MED12L: variants seen among roughly 807,000 people sequenced by gnomAD.
MED12L encodes the protein mediator of RNA polymerase II transcription subunit 12-like protein.
A neutral mutation model predicts 281.3 loss-of-function variants in MED12L; 60 were observed. The observed-to-expected ratio is 0.21, with a 90% CI of 0.17 to 0.26. The LOEUF (loss-of-function observed/expected upper bound fraction) is 0.26. MED12L is among the 10% of genes least tolerant of loss of function. The pLI is 1.00. For synonymous variants in MED12L, 974 were observed against 987.2 expected, an observed-to-expected ratio of 0.99 and a Z score of 0.25; for missense variants, 2,146 against 2,680.9, an observed-to-expected ratio of 0.80 and a Z score of 4.41.
chr3:151,357,210 C>A lies in MED12L; in HGVS notation c.2662-3C>A. 6.3e-7 allele frequency: 1 copy of A among 1,588,730 alleles called. No individual in the cohort carries two copies. The highest frequency in any genetic ancestry group is 8.6e-7 in the Non-Finnish European group (1 of 1,168,908). On this transcript the variant is annotated splice_polypyrimidine_tract_variant and splice_region_variant and intron_variant, in intron 19 of 44. Transcript: ENST00000687756. Reference sequence around the variant, plus strand: ...GTTTATTCAGTCTTTTCTCCTGTTACAGTTACTAAATGAACTGAGTGTTGT... The same window carrying A: ...GTTTATTCAGTCTTTTCTCCTGTTAAAGTTACTAAATGAACTGAGTGTTGT...
intron 16 of MED12L, among the ~76,000 whole-genome samples, chr3:151,341,472 A>G (rs1292809416): frequency 6.6e-6 from 1 of 152,050 alleles, no homozygotes; most frequent in Non-Finnish European, 1.5e-5. Flanking sequence ...GCATCCTTGT[A>G]TCACAATTAT....
chr3:151,423,159 A>G (rs538170127), intron 43 of MED12L, among the ~76,000 whole-genome samples: 42 of 151,614 alleles, frequency 2.8e-4, no homozygotes, highest in African/African-American at 9.9e-4. Flanking sequence ...AGCTGGGATT[A>G]CAGGTGCCTG....
intron 16 of MED12L, among the ~76,000 whole-genome samples, chr3:151,225,930 G>T (rs1730404122): frequency 6.6e-6 from 1 of 152,160 alleles, no homozygotes; most frequent in Non-Finnish European, 1.5e-5. Flanking sequence ...TGTTTATAAA[G>T]TACATTGTAA....
chr3:151,379,644 T>C (rs906379439), intron 31 of MED12L, among the ~76,000 whole-genome samples: 1 of 152,110 alleles, frequency 6.6e-6, no homozygotes, highest in African/African-American at 2.4e-5. Flanking sequence ...TCTTGGGAAA[T>C]GTGCTGAAAA....
chr3:151,131,571 C>T (rs1428928933), intron 5 of MED12L, among the ~76,000 whole-genome samples: 1 of 152,190 alleles, frequency 6.6e-6, no homozygotes, highest in Non-Finnish European at 1.5e-5. Flanking sequence ...TGAGCCACTG[C>T]ACTCCAGCCT....
At chr3:151,094,705 C>T (rs910887875) in intron 2 of MED12L, among the ~76,000 whole-genome samples, 1 of 152,194 alleles carries the variant, frequency 6.6e-6, no homozygotes, top group African/African-American at 2.4e-5. Context: ...GATTACCACT[C>T]ACATGCAACC....
rs776190048 is a variant in MED12L at position 151,383,816 on chromosome 3, A to G, written c.4718A>G (p.Gln1573Arg). The G allele has an allele frequency of 1.2e-6, 2 of 1,614,022 alleles. No homozygotes were observed. The highest frequency in any genetic ancestry group is 1.7e-6 in the Non-Finnish European group (2 of 1,179,920). Residue 1573 changes from glutamine (Q) to arginine (R), a missense_variant, in exon 34 of 45, where the codon CAG becomes CGG. Physicochemically the swap from Gln to Arg is conservative, Grantham distance 43. Transcript: ENST00000687756. Reference sequence around the variant, plus strand: ...TTTGACACGGTGCAGAGGAGCACCCAGTGGACTACAGACTGGGCCCTGCTA... The same window carrying G: ...TTTGACACGGTGCAGAGGAGCACCCGGTGGACTACAGACTGGGCCCTGCTA... ...GMFDTVQRST[Q>R]WTTDWALLLL...
Position 151,413,273 on chromosome 3 carries a change from G to A in MED12L, c.6275G>A (p.Arg2092Gln), listed in dbSNP as rs139235145. 435 of 1,614,066 alleles carry A rather than the reference G, an allele frequency of 2.7e-4. 6 individuals carry two copies. The South Asian group carries it at 4.4e-3, about 16-fold the overall frequency. Residue 2092 changes from arginine (R) to glutamine (Q), a missense_variant, in exon 42 of 45, where the codon CGA (arginine) becomes CAA (glutamine). Arg to Gln is a conservative substitution (Grantham distance 43). Coordinates refer to ENST00000687756, the MANE Select transcript of MED12L (RefSeq NM_001393769.1). ...DPMRPRQPQV[R>Q]QQQRLLQMQQ... ...ATGAGACCCAGACAGCCGCAAGTTCGACAGCAGCAGAGACTCCTCCAGGTA... is the reference window on the plus strand; with the variant it reads ...ATGAGACCCAGACAGCCGCAAGTTCAACAGCAGCAGAGACTCCTCCAGGTA...
At chr3:151,287,320 A>G (rs1277261707) in intron 16 of MED12L, among the ~76,000 whole-genome samples, 2 of 152,150 alleles carry the variant, frequency 1.3e-5, no homozygotes, top group African/African-American at 4.8e-5. Flanking sequence ...TTTCTTATCC[A>G]TGAGACCAGA....
intron 16 of MED12L, chr3:151,329,334 T>G (rs1750082882): frequency 3.3e-6 from 2 of 598,066 alleles, no homozygotes; most frequent in Non-Finnish European, 6.0e-6. Context: ...TTATTATTAC[T>G]AATACATCAG....
intron 16 of MED12L, chr3:151,269,836 G>T: frequency 4.5e-6 from 2 of 440,972 alleles, no homozygotes; most frequent in Non-Finnish European, 8.9e-6. Flanking sequence ...CCAGTCAAAC[G>T]CAGAGTAAAG....
chr3:151,382,940 C>G (rs1043299171), intron 33 of MED12L, among the ~76,000 whole-genome samples, 195 bp downstream of exon 33: 1 of 152,164 alleles, frequency 6.6e-6, no homozygotes, highest in Non-Finnish European at 1.5e-5. Flanking sequence ...GGTCAGACAT[C>G]TAGACAGTGC....
chr3:151,129,715 TTGTGTG>T (rs62785262), intron 5 of MED12L, among the ~76,000 whole-genome samples: 33,535 of 147,404 alleles, frequency 0.23, 3,968 homozygotes, highest in African/African-American at 0.33. Flanking sequence ...ATATCTACAT[TTGTGTG>T]TGTGTGTGTG....
At chr3:151,354,484 G>A (rs1268507624) in intron 17 of MED12L, among the ~76,000 whole-genome samples, 6 of 152,098 alleles carry the variant, frequency 3.9e-5, no homozygotes, top group African/African-American at 1.4e-4. Flanking sequence ...ATATTAAACT[G>A]TGTCAGAAAA....
intron 16 of MED12L, among the ~76,000 whole-genome samples, chr3:151,342,960 C>T (rs1023785311): frequency 6.6e-5 from 10 of 152,128 alleles, no homozygotes; most frequent in African/African-American, 2.4e-4. Flanking sequence ...AACTGAAGAG[C>T]AGAGCAGTGA....
chr3:151,329,376 A>G, intron 16 of MED12L: 1 of 669,478 alleles, frequency 1.5e-6, no homozygotes, highest in South Asian at 2.0e-5. Flanking sequence ...TCTTATGCTC[A>G]TAAACTATGG....
intron 21 of MED12L, 94 bp downstream of exon 21, chr3:151,360,699 C>A (rs939889566): frequency 2.5e-6 from 3 of 1,195,104 alleles, no homozygotes; most frequent in Non-Finnish European, 3.6e-6. Context: ...ATAATGAAAG[C>A]TAATTGCAAT....
chr3:151,258,919 G>A (rs1033332655), intron 16 of MED12L, among the ~76,000 whole-genome samples: 1 of 151,728 alleles, frequency 6.6e-6, no homozygotes. Context: ...GATGGGAGCT[G>A]TGGATTCAGG....
chr3:151,214,294 T>G, intron 16 of MED12L: 1 of 1,613,538 alleles, frequency 6.2e-7, no homozygotes, highest in South Asian at 1.1e-5. Context: ...ATCTGGAGGC[T>G]GTGTGGAGGT....
Sources: gnomAD v4.1 joint callset for allele counts (sites outside exome capture counted in the v4.1 genomes callset) on GRCh38, gnomAD v4.1.1 for gene constraint, MANE v1.5 for transcripts, NCBI Gene and HGNC (gene_info 2026-07-23, HGNC 2026-07-21) for gene names.